The following TYW1 variants were observed in gnomAD, a reference collection of about 807,000 sequenced individuals.
TYW1 encodes S-adenosyl-L-methionine-dependent tRNA 4-demethylwyosine synthase TYW1.
Under a neutral mutation model 96.2 loss-of-function variants are expected in TYW1, and 46 were observed. The observed-to-expected ratio is 0.48, with a 90% confidence interval of 0.38 to 0.61. The LOEUF (loss-of-function observed/expected upper bound fraction) is 0.61. Among genes scored for constraint, TYW1 ranks in the 20% least tolerant of loss-of-function variants. The pLI is 0.00. For missense variants in TYW1, 684 were observed against 909.6 expected, an observed-to-expected ratio of 0.75 and a Z score of 3.19; for synonymous variants, 274 against 323.0, an observed-to-expected ratio of 0.85 and a Z score of 1.63.
chr7:67,089,544 A>T, intron 11 of TYW1: 1 of 652,968 alleles, frequency 1.5e-6, no homozygotes, highest in Non-Finnish European at 2.7e-6. Context: ...ACCCCATGAC[A>T]AAGAACGCCT....
At chr7:67,230,456 A>T (rs893555634) in intron 15 of TYW1, among the ~76,000 whole-genome samples, 1 of 151,624 alleles carries the variant, frequency 6.6e-6, no homozygotes, top group African/African-American at 2.4e-5. Flanking sequence ...TTATTAAAAA[A>T]CAAAACAAAA....
At chr7:67,014,122 G>A (rs755290677) in intron 4 of TYW1, among the ~76,000 whole-genome samples, 12 of 152,222 alleles carry the variant, frequency 7.9e-5, no homozygotes, top group South Asian at 2.1e-4. Context: ...TCTGGATAAC[G>A]GAATGGCGTA....
intron 13 of TYW1, among the ~76,000 whole-genome samples, chr7:67,117,944 A>G (rs1347909810): frequency 6.6e-6 from 1 of 152,176 alleles, no homozygotes; most frequent in East Asian, 1.9e-4. Flanking sequence ...CCAATTCCCC[A>G]TAGATACCCA....
chr7:67,134,003 C>T (rs1338615420), intron 13 of TYW1, among the ~76,000 whole-genome samples: 2 of 151,932 alleles, frequency 1.3e-5, no homozygotes, highest in African/African-American at 2.4e-5. Context: ...CTCTTCTCTG[C>T]TTGTTTTTTT....
At chr7:67,114,086 G>A (rs1797514779) in intron 12 of TYW1, among the ~76,000 whole-genome samples, 1 of 152,210 alleles carries the variant, frequency 6.6e-6, no homozygotes, top group Non-Finnish European at 1.5e-5. Context: ...AAAGCACACA[G>A]CAGAGTGTGC....
intron 15 of TYW1, among the ~76,000 whole-genome samples, chr7:67,231,203 G>A (rs1027505680): frequency 5.3e-5 from 8 of 152,024 alleles, no homozygotes; most frequent in East Asian, 1.9e-4. Context: ...GTGTTATTTC[G>A]CTAACAACTC....
At chr7:67,193,649 C>T (rs1399788252) in intron 14 of TYW1, among the ~76,000 whole-genome samples, 2 of 151,682 alleles carry the variant, frequency 1.3e-5, no homozygotes, top group Non-Finnish European at 2.9e-5. Flanking sequence ...TTCCCAGCTA[C>T]ATGGGAGGCT....
At chr7:67,219,045 A>G (rs1366713050) in intron 15 of TYW1, among the ~76,000 whole-genome samples, 2 of 152,140 alleles carry the variant, frequency 1.3e-5, no homozygotes, top group Non-Finnish European at 2.9e-5. Context: ...GTTTTTTCAT[A>G]TGTGGCTTTT....
At chr7:67,220,626 T>C (rs1022518502) in intron 15 of TYW1, among the ~76,000 whole-genome samples, 15 of 152,210 alleles carry the variant, frequency 9.9e-5, no homozygotes, top group African/African-American at 1.7e-4. Context: ...AAATGTCCCA[T>C]GTGTACTTGG....
intron 9 of TYW1, among the ~76,000 whole-genome samples, chr7:67,060,018 C>T (rs1795646466): frequency 1.3e-5 from 2 of 151,690 alleles, no homozygotes; most frequent in African/African-American, 4.8e-5. Context: ...AGTGATCTAC[C>T]TGCCTTGGCC....
intron 13 of TYW1, among the ~76,000 whole-genome samples, chr7:67,162,521 T>C (rs1799193707): frequency 6.6e-6 from 1 of 152,128 alleles, no homozygotes; most frequent in African/African-American, 2.4e-5. Context: ...CTGCCCTATA[T>C]TCCTTTAAAA....
At chr7:67,096,596 T>C (rs1049777421) in intron 11 of TYW1, among the ~76,000 whole-genome samples, 4 of 151,996 alleles carry the variant, frequency 2.6e-5, no homozygotes, top group Non-Finnish European at 5.9e-5. Context: ...TTTTTAACTC[T>C]TAAGTTCAGG....
chr7:67,062,730 C>A (rs1344437784), intron 9 of TYW1, among the ~76,000 whole-genome samples: 1 of 152,086 alleles, frequency 6.6e-6, no homozygotes, highest in Non-Finnish European at 1.5e-5. Flanking sequence ...TCCTCAAAAA[C>A]CGTAACTTAT....
At chr7:67,121,462 A>G (rs963058044) in intron 13 of TYW1, among the ~76,000 whole-genome samples, 1 of 152,160 alleles carries the variant, frequency 6.6e-6, no homozygotes, top group Admixed American at 6.5e-5. Flanking sequence ...AATTGCTTCA[A>G]CCGAGGAGGC....
Position 67,056,519 on chromosome 7 carries a change from A to G in TYW1, c.1155+632A>G, listed in dbSNP as rs188294692. On this transcript the variant is annotated intron_variant, in intron 9 of 15. Coordinates refer to ENST00000359626, the MANE Select transcript of TYW1 (RefSeq NM_018264.4). ...AAAAAAAAAAAAAAAAGAATTTCAT[A>G]TGAGTGGAATCATGTAATGTGCAGT... is the stretch of plus-strand genomic sequence containing the variant. 2.1e-3 allele frequency among the ~76,000 whole-genome samples: 324 copies of G among 151,854 alleles called. 2 individuals are homozygous for G. The highest frequency in any genetic ancestry group is 6.4e-3 in the African/African-American group (265 of 41,448).
At chr7:67,221,583 CT>C (rs1201007780) in intron 15 of TYW1, among the ~76,000 whole-genome samples, 2 of 152,254 alleles carry the variant, frequency 1.3e-5, no homozygotes, top group Admixed American at 1.3e-4. Flanking sequence ...ATATTGTCTT[CT>C]TTGTGTTGAG....
chr7:67,194,630 GATA>G (rs144931736), intron 14 of TYW1, among the ~76,000 whole-genome samples: 1 of 150,464 alleles, frequency 6.6e-6, no homozygotes, highest in Non-Finnish European at 1.5e-5. Flanking sequence ...ACTCAAAAAT[GATA>G]ATAATAATAA....
chr7:67,238,390 G>T lies in TYW1; in HGVS notation c.2060G>T (p.Gly687Val), dbSNP rs1479319818. Residue 687 changes from glycine to valine, a missense_variant, in exon 16 of 16, where the codon GGA becomes GTA. Gly to Val is a moderately radical substitution (Grantham distance 109). Transcript: ENST00000359626. ...ATCCAGGAATATGAAGATAGTGGTG[G>T]ATCAAAAACGTTCAGCGCAAAGGAT... ...ELIQEYEDSGGSKTFSAKDYM... is the reference protein window; with the variant it reads ...ELIQEYEDSGVSKTFSAKDYM... 1 of 1,613,652 alleles carries T rather than the reference G, an allele frequency of 6.2e-7. No homozygotes were observed. The highest frequency in any genetic ancestry group is 2.2e-5 in the East Asian group (1 of 44,874).
At chr7:67,223,755 C>T (rs1280382542) in intron 15 of TYW1, among the ~76,000 whole-genome samples, 1 of 151,810 alleles carries the variant, frequency 6.6e-6, no homozygotes, top group East Asian at 1.9e-4. Flanking sequence ...ATGTACACAG[C>T]TGCCTGCCAT....
Sources: gnomAD v4.1 joint callset for allele counts (sites outside exome capture counted in the v4.1 genomes callset) on GRCh38, gnomAD v4.1.1 for gene constraint, MANE v1.5 for transcripts, NCBI Gene and HGNC (gene_info 2026-07-23, HGNC 2026-07-21) for gene names.